The following PRR16 variants were observed in gnomAD, a reference collection of about 807,000 sequenced individuals.
PRR16 encodes the protein protein Largen.
A neutral mutation model predicts 18.2 loss-of-function variants in PRR16; 6 were observed. The ratio of observed to expected loss-of-function variants is 0.33; its 90% CI spans 0.18 to 0.65. The LOEUF (loss-of-function observed/expected upper bound fraction) is 0.65, where lower values mean the gene tolerates loss of function less well. Among genes scored for constraint, PRR16 ranks in the 30% least tolerant of loss-of-function variants. PRR16 has a pLI of 0.74. For missense variants in PRR16, 412 were observed against 376.6 expected (o/e 1.09, Z -0.78); for synonymous variants, 151 against 147.8 (o/e 1.02, Z -0.16).
At chr5:120,466,715 A>C (rs1749117615) in intron 1 of PRR16, among the ~76,000 whole-genome samples, 1 of 152,210 alleles carries the variant, frequency 6.6e-6, no homozygotes, top group Non-Finnish European at 1.5e-5. Flanking sequence ...AAGGTTGTTT[A>C]TAAGAGGAAT....
intron 1 of PRR16, among the ~76,000 whole-genome samples, chr5:120,631,738 A>T (rs1250316813): frequency 6.6e-6 from 1 of 152,056 alleles, no homozygotes; most frequent in East Asian, 1.9e-4. Context: ...CCCCGACCTG[A>T]TGGTCTGCCT....
chr5:120,670,697 A>G (rs1340483921), intron 1 of PRR16, among the ~76,000 whole-genome samples: 1 of 152,148 alleles, frequency 6.6e-6, no homozygotes, highest in Non-Finnish European at 1.5e-5. Flanking sequence ...TAAACCAAGG[A>G]TAATGTCCCC....
rs763318342 is a variant in PRR16 at position 120,686,009 on chromosome 5, C to T, written c.215C>T (p.Thr72Ile). Reference protein sequence around the residue: ...TSDLQLEDEMTDSSKTDTLNS... With the variant: ...TSDLQLEDEMIDSSKTDTLNS... The stretch of plus-strand genomic sequence containing the variant: ...GACCTACAGCTGGAGGATGAGATGA[C>T]TGACAGCTCCAAAACGGACACGCTG... Residue 72 changes from threonine (T) to isoleucine (I), a missense_variant, in exon 2 of 2, where the codon ACT (threonine) becomes ATT (isoleucine). Thr to Ile is a moderately conservative substitution (Grantham distance 89, BLOSUM62 -1). Coordinates refer to ENST00000407149, the MANE Select transcript of PRR16 (RefSeq NM_001300783.2). The T allele has an allele frequency of 6.2e-7, 1 of 1,614,098 alleles. No individual in the cohort carries two copies. Among genetic ancestry groups the T allele is most frequent in the Non-Finnish European group, 8.5e-7 (1 of 1,179,964 alleles).
chr5:120,521,676 C>A (rs1580680669), intron 1 of PRR16, among the ~76,000 whole-genome samples: 2 of 151,636 alleles, frequency 1.3e-5, no homozygotes, highest in Non-Finnish European at 1.5e-5. Context: ...TTCTTCTTTT[C>A]TTTTTTTTAT....
chr5:120,637,343 A>AAAAC (rs1755268605), intron 1 of PRR16, among the ~76,000 whole-genome samples: 1 of 146,730 alleles, frequency 6.8e-6, no homozygotes, highest in Non-Finnish European at 1.5e-5. Flanking sequence ...AAAAAAAAAA[A>AAAAC]CTTGCACACA....
chr5:120,671,223 G>T (rs1208692940), intron 1 of PRR16, among the ~76,000 whole-genome samples: 2 of 151,966 alleles, frequency 1.3e-5, no homozygotes, highest in Admixed American at 6.6e-5. Context: ...ATTTTATTGT[G>T]CCTAATGTGT....
At chr5:120,735,196 C>CT in the PRR16 span, among the ~76,000 whole-genome samples, 1 of 152,166 alleles carries the variant, frequency 6.6e-6, no homozygotes, top group African/African-American at 2.4e-5. Context: ...GAATTTCCTT[C>CT]TTTTTTAAAG....
At chr5:120,694,999 C>T in the PRR16 span, among the ~76,000 whole-genome samples, 1 of 152,128 alleles carries the variant, frequency 6.6e-6, no homozygotes, top group Non-Finnish European at 1.5e-5. Context: ...ATACATATTT[C>T]AGTGAAGTGC....
intron 1 of PRR16, chr5:120,618,648 C>T (rs1226554404): frequency 2.8e-6 from 2 of 716,546 alleles, no homozygotes; most frequent in Non-Finnish European, 3.4e-6. Flanking sequence ...TTGATTATCT[C>T]AGGATAAAGA....
intron 1 of PRR16, among the ~76,000 whole-genome samples, chr5:120,629,273 G>A (rs889098817): frequency 6.6e-6 from 1 of 151,896 alleles, no homozygotes; most frequent in Non-Finnish European, 1.5e-5. Flanking sequence ...ATTTATTTAT[G>A]TATGTGTGCA....
intron 1 of PRR16, among the ~76,000 whole-genome samples, chr5:120,472,964 A>T (rs1427458311): frequency 6.6e-6 from 1 of 152,182 alleles, no homozygotes; most frequent in African/African-American, 2.4e-5. Flanking sequence ...CTTAAAACTG[A>T]TTGCAGATCA....
the PRR16 span, among the ~76,000 whole-genome samples, chr5:120,701,559 G>T: frequency 6.6e-6 from 1 of 152,302 alleles, no homozygotes; most frequent in African/African-American, 2.4e-5. Flanking sequence ...CGGACCAGGT[G>T]TGAGGAGGGG....
chr5:120,640,007 G>A (rs991399579), intron 1 of PRR16, among the ~76,000 whole-genome samples: 11 of 151,974 alleles, frequency 7.2e-5, no homozygotes, highest in Non-Finnish European at 1.5e-4. Flanking sequence ...AGATGCACCT[G>A]GAGGCCATTA....
chr5:120,692,822 T>C, the PRR16 span, among the ~76,000 whole-genome samples: 13 of 152,304 alleles, frequency 8.5e-5, no homozygotes, highest in African/African-American at 2.9e-4. Context: ...TTAACAACAT[T>C]TAATATGATG....
the PRR16 span, among the ~76,000 whole-genome samples, chr5:120,764,049 A>ATTTC: frequency 6.6e-6 from 1 of 152,048 alleles, no homozygotes; most frequent in African/African-American, 2.4e-5. Context: ...GAGAACTTTT[A>ATTTC]TTTCTTTCTC....
the PRR16 span, among the ~76,000 whole-genome samples, chr5:120,753,492 G>A: frequency 6.6e-6 from 1 of 151,838 alleles, no homozygotes; most frequent in Non-Finnish European, 1.5e-5. Context: ...GTTAAATAAT[G>A]GAGTCTTAGA....
At chr5:120,642,315 C>T (rs1045784365) in intron 1 of PRR16, among the ~76,000 whole-genome samples, 7 of 151,552 alleles carry the variant, frequency 4.6e-5, no homozygotes, top group African/African-American at 1.5e-4. Context: ...GGGCAGAAAC[C>T]TCATTCAAAA....
intron 1 of PRR16, among the ~76,000 whole-genome samples, chr5:120,529,681 A>G (rs551268058): frequency 3.3e-5 from 5 of 152,166 alleles, no homozygotes; most frequent in African/African-American, 1.2e-4. Context: ...AAAAATCCTT[A>G]AACATCCACT....
intron 1 of PRR16, among the ~76,000 whole-genome samples, chr5:120,501,173 G>A (rs571909585): frequency 1.2e-4 from 19 of 152,270 alleles, no homozygotes; most frequent in African/African-American, 3.4e-4. Context: ...AGAAAAATGC[G>A]TAGCATTAAT....
Sources: allele counts gnomAD v4.1 joint callset (sites outside exome capture counted in the v4.1 genomes callset), GRCh38; gene constraint gnomAD v4.1.1; transcripts MANE v1.5; gene names NCBI Gene and HGNC (gene_info 2026-07-23, HGNC 2026-07-21).